The following TRAPPC9 variants were observed in gnomAD, a reference collection of about 807,000 sequenced individuals.
The protein encoded by TRAPPC9 is trafficking protein particle complex subunit 9.
Under a neutral mutation model 124.0 loss-of-function variants are expected in TRAPPC9, and 83 were observed. The observed-to-expected ratio is 0.67, with a 90% CI of 0.56 to 0.80. The LOEUF is 0.80. Ranked by LOEUF, TRAPPC9 falls within the 30% of genes least tolerant of loss-of-function variation. The pLI, the probability that TRAPPC9 is intolerant of heterozygous loss-of-function variation, is 0.00. For missense variants in TRAPPC9, 1,302 were observed against 1,508.3 expected (o/e 0.86, Z 2.27); for synonymous variants, 638 against 617.5 (o/e 1.03, Z -0.49).
At chr8:140,004,436 C>A (rs1199035517) in intron 18 of TRAPPC9, among the ~76,000 whole-genome samples, 1 of 152,118 alleles carries the variant, frequency 6.6e-6, no homozygotes, top group African/African-American at 2.4e-5. Flanking sequence ...AAGTTTACTC[C>A]AATACTGGTC....
At chr8:140,429,968 G>A (rs1025711446) in intron 4 of TRAPPC9, among the ~76,000 whole-genome samples, 3 of 151,802 alleles carry the variant, frequency 2.0e-5, no homozygotes, top group Non-Finnish European at 4.4e-5. Flanking sequence ...CCAACATAGC[G>A]AAACCGTGTC....
intron 21 of TRAPPC9, among the ~76,000 whole-genome samples, chr8:139,739,673 C>T (rs1187926049): frequency 2.6e-5 from 4 of 152,252 alleles, no homozygotes; most frequent in Non-Finnish European, 5.9e-5. Context: ...AGAGGGCTTC[C>T]TGCCCCTGCC....
intron 19 of TRAPPC9, among the ~76,000 whole-genome samples, chr8:139,918,997 CCGGAG>C (rs1257869728): frequency 6.6e-6 from 1 of 152,206 alleles, no homozygotes. Flanking sequence ...GAGCCGGTGC[CCGGAG>C]CTTCATTCCC....
At chr8:140,222,880 G>A (rs1230636399) in intron 16 of TRAPPC9, among the ~76,000 whole-genome samples, 12 of 152,140 alleles carry the variant, frequency 7.9e-5, no homozygotes, top group Non-Finnish European at 1.5e-4. Context: ...AAGAAATCAC[G>A]TTCATACTGA....
chr8:139,752,030 C>T (rs111206282), intron 21 of TRAPPC9, among the ~76,000 whole-genome samples: 7,330 of 150,590 alleles, frequency 0.049, 571 homozygotes, highest in African/African-American at 0.17. Context: ...AAATCCACCA[C>T]TCATCCATTC....
At position 140,104,502 on chromosome 8, in the gene TRAPPC9, G is replaced by A. The variant is rs544947251; in HGVS notation, c.2557-80423C>T. ...ATCTTAGACAAATAATATGCAAGTA[G>A]TATGATGGCACGATGGGGGGAGCTG... On this transcript the variant is annotated intron_variant, in intron 17 of 22. Coordinates refer to ENST00000438773, the MANE Select transcript of TRAPPC9 (RefSeq NM_001160372.4). The surrounding 1 kb of genome is among the most constrained non-coding windows in gnomAD (Gnocchi z 4.0). Among the ~76,000 whole-genome samples, 1 of 152,294 alleles carries A rather than the reference G, an allele frequency of 6.6e-6. No homozygotes were observed. Among genetic ancestry groups the A allele is most frequent in the South Asian group, 2.1e-4 (1 of 4,818 alleles).
intron 15 of TRAPPC9, among the ~76,000 whole-genome samples, chr8:140,260,275 G>A (rs2064372404): frequency 6.6e-6 from 1 of 152,130 alleles, no homozygotes; most frequent in African/African-American, 2.4e-5. Flanking sequence ...GACTGATCTT[G>A]CTAAGGCCCG....
At chr8:140,342,664 G>A (rs961248977) in intron 9 of TRAPPC9, among the ~76,000 whole-genome samples, 22 of 151,924 alleles carry the variant, frequency 1.4e-4, no homozygotes, top group Admixed American at 2.0e-4. Context: ...CCAGCCCAGT[G>A]AAAAATGAAA....
chr8:140,457,755 C>G (rs1024950866), upstream of TRAPPC9: 3 of 996,832 alleles, frequency 3.0e-6, no homozygotes, highest in Non-Finnish European at 3.6e-6. Context: ...GGCGGCCGAG[C>G]CGGCGCTGCT....
In TRAPPC9 at chr8:139,978,173, C is replaced by T. The variant is rs146701413; in HGVS notation, c.2810+10553G>A. 1.7e-4 allele frequency among the ~76,000 whole-genome samples: 26 copies of T among 152,288 alleles called. No homozygotes were observed. The East Asian group carries it at 4.1e-3, about 24-fold the overall frequency. Reference sequence around the variant, plus strand: ...GATGACAGGTGTGAGCCACGGCGCCCGGCTGAGGAACAAGTTTAAGAGGAC... The same window carrying T: ...GATGACAGGTGTGAGCCACGGCGCCTGGCTGAGGAACAAGTTTAAGAGGAC... On this transcript the variant is annotated intron_variant, in intron 19 of 22. Coordinates refer to ENST00000438773, the MANE Select transcript of TRAPPC9 (RefSeq NM_001160372.4).
intron 17 of TRAPPC9, among the ~76,000 whole-genome samples, chr8:140,038,006 C>T (rs1841024417): frequency 1.2e-5 from 1 of 82,744 alleles, no homozygotes; most frequent in African/African-American, 3.2e-5. Context: ...TACCCACTCT[C>T]TCCAACTAGG....
intron 17 of TRAPPC9, among the ~76,000 whole-genome samples, chr8:140,194,984 C>G (rs569221305): frequency 6.6e-6 from 1 of 151,916 alleles, no homozygotes; most frequent in South Asian, 2.1e-4. Flanking sequence ...GACACTAAAA[C>G]ACACTCAAGG....
At chr8:140,412,896 A>G (rs1016518488) in intron 5 of TRAPPC9, among the ~76,000 whole-genome samples, 2 of 152,188 alleles carry the variant, frequency 1.3e-5, no homozygotes, top group African/African-American at 4.8e-5. Context: ...GGGGAAGATA[A>G]ATTACAAATT....
At chr8:139,777,244 T>A (rs1434778519) in intron 21 of TRAPPC9, among the ~76,000 whole-genome samples, 1 of 152,224 alleles carries the variant, frequency 6.6e-6, no homozygotes. Context: ...ACATGCTCCT[T>A]AGGGACAGGG....
At chr8:140,378,765 G>T (rs1233824960) in intron 7 of TRAPPC9, among the ~76,000 whole-genome samples, 1 of 152,038 alleles carries the variant, frequency 6.6e-6, no homozygotes, top group Non-Finnish European at 1.5e-5. Context: ...CCCAAGTCTG[G>T]GCAGGTCTAA....
chr8:140,111,052 C>A (rs2060766590), intron 17 of TRAPPC9, among the ~76,000 whole-genome samples: 1 of 147,956 alleles, frequency 6.8e-6, no homozygotes, highest in Non-Finnish European at 1.5e-5. Flanking sequence ...CTGCTGATAG[C>A]CCCAGGCTGC....
intron 9 of TRAPPC9, among the ~76,000 whole-genome samples, chr8:140,326,445 C>T (rs1362211733): frequency 6.6e-6 from 1 of 152,186 alleles, no homozygotes; most frequent in Non-Finnish European, 1.5e-5. Flanking sequence ...CATCCCCCCA[C>T]CATGATCAAA....
Position 140,048,750 on chromosome 8 carries a change from C to T in TRAPPC9, c.2557-24671G>A, listed in dbSNP as rs542598792. 5.9e-5 allele frequency among the ~76,000 whole-genome samples: 9 copies of T among 152,250 alleles called. No individual in the cohort carries two copies. The South Asian group carries it at 1.7e-3, about 28-fold the overall frequency. ...AAGCTAGTGGAGGTGCGGGGTCCAG[C>T]GTGAAGGGAGGGCACCCGTGAGCCC... On this transcript the variant is annotated intron_variant, in intron 17 of 22. Coordinates refer to ENST00000438773, the MANE Select transcript of TRAPPC9 (RefSeq NM_001160372.4).
At chr8:140,291,188 G>T in intron 11 of TRAPPC9, 110 bp from the exon 12 acceptor site, 1 of 979,544 alleles carries the variant, frequency 1.0e-6, no homozygotes. Context: ...TGAGGCAGCA[G>T]GCTCTATGAT....
Sources: allele counts gnomAD v4.1 joint callset (sites outside exome capture counted in the v4.1 genomes callset), GRCh38; gene constraint gnomAD v4.1.1; non-coding constraint Gnocchi (gnomAD v3.1); transcripts MANE v1.5; gene names NCBI Gene and HGNC (gene_info 2026-07-23, HGNC 2026-07-21).